Variants in DGKH observed in about 807,000 individuals in gnomAD.
DGKH encodes diacylglycerol kinase eta.
Under a neutral mutation model 159.3 loss-of-function variants are expected in DGKH, and 90 were observed. That is an observed-to-expected ratio of 0.57 (90% CI 0.48 to 0.67). DGKH has a LOEUF of 0.67. Among genes scored for constraint, DGKH ranks in the 30% least tolerant of loss-of-function variants. The pLI, the probability that DGKH is intolerant of heterozygous loss-of-function variation, is 0.00. For synonymous variants in DGKH, 536 were observed against 553.8 expected, an observed-to-expected ratio of 0.97 and a Z score of 0.45; for missense variants, 1,181 against 1,506.1, an observed-to-expected ratio of 0.78 and a Z score of 3.57.
chr13:42,203,080 CTG>C (rs1177256904), intron 20 of DGKH, among the ~76,000 whole-genome samples: 1 of 152,080 alleles, frequency 6.6e-6, no homozygotes, highest in Non-Finnish European at 1.5e-5. Context: ...TTCCCATAAT[CTG>C]TATCTTTTTA....
At chr13:42,162,027 G>A (rs1176676418) in intron 7 of DGKH, among the ~76,000 whole-genome samples, 1 of 152,152 alleles carries the variant, frequency 6.6e-6, no homozygotes, top group African/African-American at 2.4e-5. Context: ...ACAGATGGTA[G>A]AAGGGAGGAT....
At chr13:42,046,806 G>T (rs1398509888), upstream of DGKH, among the ~76,000 whole-genome samples, 1 of 152,196 alleles carries the variant, frequency 6.6e-6, no homozygotes, top group Non-Finnish European at 1.5e-5. Flanking sequence ...TAGAACATTA[G>T]AATACTAACC....
At chr13:42,246,186 C>T (rs572396559), downstream of DGKH, among the ~76,000 whole-genome samples, 4 of 152,222 alleles carry the variant, frequency 2.6e-5, no homozygotes, top group South Asian at 4.2e-4. Context: ...GTTCTTGTGC[C>T]ACCACCAGTA....
At chr13:42,084,164 A>G (rs1031097538) in intron 1 of DGKH, among the ~76,000 whole-genome samples, 1 of 152,228 alleles carries the variant, frequency 6.6e-6, no homozygotes, top group African/African-American at 2.4e-5. Flanking sequence ...ATAAAAGACA[A>G]TAGACATTTA....
intron 1 of DGKH, among the ~76,000 whole-genome samples, chr13:42,124,246 A>G (rs527443343): frequency 6.6e-6 from 1 of 152,246 alleles, no homozygotes; most frequent in African/African-American, 2.4e-5. Context: ...TATTTTTGGT[A>G]ACTGACATGT....
At chr13:42,070,584 G>C in intron 1 of DGKH, 1 of 1,583,916 alleles carries the variant, frequency 6.3e-7, no homozygotes, top group Middle Eastern at 1.7e-4. Context: ...GACCAAAGTC[G>C]CCTATCTTCA....
At chr13:42,199,319 A>G (rs1344375382) in intron 18 of DGKH, among the ~76,000 whole-genome samples, 1 of 152,194 alleles carries the variant, frequency 6.6e-6, no homozygotes, top group Non-Finnish European at 1.5e-5. Context: ...ATTTTGTTAC[A>G]GTTAGAGAAA....
intron 14 of DGKH, 50 bp from the exon 15 acceptor site, chr13:42,188,986 G>A (rs1396111551): frequency 1.3e-6 from 2 of 1,578,612 alleles, no homozygotes; most frequent in South Asian, 2.3e-5. Context: ...TTTGTCTGCT[G>A]ATCTTGATTC....
At chr13:42,110,960 C>G (rs1172228497) in intron 1 of DGKH, among the ~76,000 whole-genome samples, 1 of 152,024 alleles carries the variant, frequency 6.6e-6, no homozygotes, top group East Asian at 1.9e-4. Flanking sequence ...GGGCTTAACA[C>G]CTAGGTGATG....
intron 13 of DGKH, among the ~76,000 whole-genome samples, chr13:42,185,660 T>G (rs1350239332): frequency 6.6e-6 from 1 of 152,220 alleles, no homozygotes; most frequent in African/African-American, 2.4e-5. Context: ...TAGCGCATTT[T>G]ACAGAAACTT....
Position 42,250,968 on chromosome 13 carries a change from A to G in DGKH, n.4055-1441A>G, listed in dbSNP as rs1958616163. ...TGAAAGTGATTACAGCATGCTGGCA[A>G]TATGTTTAATGTTGTTTTGGCCTGC... On this transcript the variant is annotated intron_variant and non_coding_transcript_variant, in intron 29 of 30. Coordinates refer to the DGKH transcript ENST00000498255. 2.0e-5 allele frequency among the ~76,000 whole-genome samples: 3 copies of G among 152,222 alleles called. No individual in the cohort carries two copies. In the East Asian group the frequency reaches 5.8e-4, roughly 29 times the overall value.
intron 13 of DGKH, among the ~76,000 whole-genome samples, chr13:42,186,818 A>T (rs184939393): frequency 6.6e-5 from 10 of 152,360 alleles, no homozygotes; most frequent in Admixed American, 6.5e-4. Context: ...AACATTAATT[A>T]CTATAATTTA....
chr13:42,110,519 A>G (rs956188623), intron 1 of DGKH, among the ~76,000 whole-genome samples: 8 of 152,192 alleles, frequency 5.3e-5, no homozygotes, highest in African/African-American at 1.9e-4. Context: ...GTGTGGGCAA[A>G]GGGATTATTC....
intron 14 of DGKH, 96 bp downstream of exon 14, chr13:42,187,244 C>A: frequency 2.1e-6 from 2 of 974,052 alleles, no homozygotes; most frequent in Non-Finnish European, 3.2e-6. Flanking sequence ...GTTTTCCTGC[C>A]AAAACATCTT....
At chr13:42,088,129 TA>T (rs1322368592) in intron 1 of DGKH, among the ~76,000 whole-genome samples, 2 of 152,068 alleles carry the variant, frequency 1.3e-5, no homozygotes, top group Non-Finnish European at 2.9e-5. Context: ...TTTAAATGGC[TA>T]AAAGAAAAAA....
chr13:42,153,043 G>GT (rs1189619013), intron 3 of DGKH, among the ~76,000 whole-genome samples: 1 of 139,406 alleles, frequency 7.2e-6, no homozygotes, highest in Non-Finnish European at 1.6e-5. Flanking sequence ...TAATTTTCCA[G>GT]TTTTTTTTGC....
intron 1 of DGKH, among the ~76,000 whole-genome samples, chr13:42,100,119 C>T (rs1175437191): frequency 2.0e-5 from 3 of 152,112 alleles, no homozygotes; most frequent in African/African-American, 7.2e-5. Flanking sequence ...CAGTTGCTCC[C>T]CATTGCTGGC....
chr13:42,221,491 T>C, intron 29 of DGKH, 97 bp downstream of exon 29: 3 of 1,499,360 alleles, frequency 2.0e-6, no homozygotes, highest in Non-Finnish European at 1.8e-6. Context: ...GCTTCGCTTA[T>C]GTCATGCAAA....
At chr13:42,162,018 C>T (rs1404833695) in intron 7 of DGKH, among the ~76,000 whole-genome samples, 2 of 152,146 alleles carry the variant, frequency 1.3e-5, no homozygotes, top group Non-Finnish European at 2.9e-5. Flanking sequence ...AGTGGTATTA[C>T]AGATGGTAGA....
Sources: allele counts gnomAD v4.1 joint callset (sites outside exome capture counted in the v4.1 genomes callset), GRCh38; gene constraint gnomAD v4.1.1; transcripts MANE v1.5; gene names NCBI Gene and HGNC (gene_info 2026-07-23, HGNC 2026-07-21).